FSTL5: variants seen among roughly 807,000 people sequenced by gnomAD.
FSTL5 encodes follistatin like 5, also known as follistatin-related protein 5.
A neutral mutation model predicts 89.1 loss-of-function variants in FSTL5; 62 were observed. The ratio of observed to expected loss-of-function variants is 0.70; its 90% CI spans 0.57 to 0.86. The LOEUF (loss-of-function observed/expected upper bound fraction) is 0.86, where lower values mean the gene tolerates loss of function less well. FSTL5 is among the 40% of genes least tolerant of loss of function. The pLI, the probability that FSTL5 is intolerant of heterozygous loss-of-function variation, is 0.00. For synonymous variants in FSTL5, 383 were observed against 346.2 expected (o/e 1.11, Z -1.18); for missense variants, 1,057 against 1,001.6 (o/e 1.06, Z -0.75).
At chr4:161,556,165 C>T (rs1454842163) in intron 8 of FSTL5, among the ~76,000 whole-genome samples, 7 of 151,502 alleles carry the variant, frequency 4.6e-5, no homozygotes, top group Non-Finnish European at 1.0e-4. Flanking sequence ...TTTTAACTCA[C>T]ATTTGCACCT....
chr4:161,982,223 G>A lies in FSTL5; in HGVS notation c.160+51402C>T, dbSNP rs116642714. ...TGTGTTATGACGGTCTGTGTTAGGAGGTCACCTTGTGAGAATGAGCTGCAC... is the reference window on the plus strand; with the variant it reads ...TGTGTTATGACGGTCTGTGTTAGGAAGTCACCTTGTGAGAATGAGCTGCAC... On this transcript the variant is annotated intron_variant, in intron 3 of 15. Coordinates refer to ENST00000306100, the MANE Select transcript of FSTL5 (RefSeq NM_020116.5). Among the ~76,000 whole-genome samples, 868 of 152,282 alleles carry A rather than the reference G, an allele frequency of 5.7e-3. 5 individuals are homozygous for A. Among genetic ancestry groups the A allele is most frequent in the Non-Finnish European group, 9.6e-3 (656 of 68,026 alleles).
chr4:161,798,365 A>T (rs1389009738), intron 4 of FSTL5, among the ~76,000 whole-genome samples: 1 of 151,704 alleles, frequency 6.6e-6, no homozygotes, highest in Admixed American at 6.6e-5. Flanking sequence ...AGAAAGAACA[A>T]ACACTTGACT....
chr4:161,839,504 AAGGG>A (rs1731146253), intron 4 of FSTL5, among the ~76,000 whole-genome samples: 1 of 152,196 alleles, frequency 6.6e-6, no homozygotes, highest in Non-Finnish European at 1.5e-5. Flanking sequence ...TCAACAATAA[AAGGG>A]AGTAAAACCT....
intron 6 of FSTL5, among the ~76,000 whole-genome samples, chr4:161,741,678 A>G (rs1012131735): frequency 1.5e-5 from 2 of 135,972 alleles, no homozygotes; most frequent in Non-Finnish European, 3.2e-5. Context: ...GTGGAGAAGT[A>G]TGATTTTTTT....
chr4:161,926,476 T>C (rs1270558401), intron 3 of FSTL5, among the ~76,000 whole-genome samples: 1 of 150,844 alleles, frequency 6.6e-6, no homozygotes, highest in Non-Finnish European at 1.5e-5. Flanking sequence ...GAGATCCAGG[T>C]AATTTGCACC....
chr4:161,616,388 C>T (rs1299179739), intron 7 of FSTL5, among the ~76,000 whole-genome samples: 8 of 152,126 alleles, frequency 5.3e-5, no homozygotes, highest in Non-Finnish European at 1.2e-4. Context: ...CTTAGTCTTC[C>T]AGCCTACATC....
intron 1 of FSTL5, among the ~76,000 whole-genome samples, chr4:162,114,530 ACACACACAC>A (rs1731562243): frequency 2.1e-3 from 1 of 478 alleles, no homozygotes; most frequent in Non-Finnish European, 4.2e-3. Flanking sequence ...TTGTGTGTGG[ACACACACAC>A]ACACACACAC....
intron 2 of FSTL5, among the ~76,000 whole-genome samples, chr4:162,038,767 C>T (rs1443469856): frequency 6.6e-6 from 1 of 151,856 alleles, no homozygotes; most frequent in African/African-American, 2.4e-5. Flanking sequence ...ACAATATCTT[C>T]AAACATAATT....
At chr4:161,907,712 T>C (rs573743070) in intron 4 of FSTL5, among the ~76,000 whole-genome samples, 5 of 152,184 alleles carry the variant, frequency 3.3e-5, no homozygotes, top group African/African-American at 9.6e-5. Flanking sequence ...CTTAGTAAGG[T>C]TGACGATGAG....
intron 10 of FSTL5, among the ~76,000 whole-genome samples, chr4:161,536,745 G>A (rs1327077743): frequency 6.6e-6 from 1 of 152,066 alleles, no homozygotes; most frequent in Admixed American, 6.6e-5. Flanking sequence ...GCTTTGGCTA[G>A]GTGTTTTACT....
At chr4:161,683,187 T>G (rs936148969) in intron 6 of FSTL5, among the ~76,000 whole-genome samples, 3 of 152,206 alleles carry the variant, frequency 2.0e-5, no homozygotes, top group Non-Finnish European at 4.4e-5. Flanking sequence ...TTTTCTATGA[T>G]GGTCAGCATA....
At chr4:161,475,665 C>T (rs1734110572) in intron 13 of FSTL5, among the ~76,000 whole-genome samples, 1 of 151,788 alleles carries the variant, frequency 6.6e-6, no homozygotes, top group East Asian at 1.9e-4. Context: ...ATCTTTAGTA[C>T]TTTGAGCATC....
At chr4:162,087,338 C>A (rs562628708) in intron 2 of FSTL5, among the ~76,000 whole-genome samples, 1 of 151,960 alleles carries the variant, frequency 6.6e-6, no homozygotes, top group Non-Finnish European at 1.5e-5. Context: ...TAATTTTCTG[C>A]ATCAAACTGT....
intron 6 of FSTL5, among the ~76,000 whole-genome samples, chr4:161,709,590 C>A (rs1313808356): frequency 2.0e-5 from 3 of 152,114 alleles, no homozygotes; most frequent in South Asian, 4.1e-4. Flanking sequence ...TGCTTAAATG[C>A]AGGAGTTCAA....
chr4:161,908,754 T>C (rs1733608333), intron 4 of FSTL5, among the ~76,000 whole-genome samples: 1 of 152,096 alleles, frequency 6.6e-6, no homozygotes, highest in Non-Finnish European at 1.5e-5. Context: ...CTCAAAGCAG[T>C]TTCATTTGCC....
intron 15 of FSTL5, among the ~76,000 whole-genome samples, chr4:161,396,468 T>C (rs1350926189): frequency 7.1e-6 from 1 of 140,010 alleles, no homozygotes; most frequent in Non-Finnish European, 1.5e-5. Flanking sequence ...ATGGTGAAAC[T>C]CCATCTCTAC....
rs148981051 is a variant in FSTL5, at chr4:161,817,000, T to C, written c.410-40926A>G. Among the ~76,000 whole-genome samples, 292 of 152,230 alleles carry C rather than the reference T, an allele frequency of 1.9e-3. 2 individuals carry two copies. The highest frequency in any genetic ancestry group is 6.8e-3 in the African/African-American group (284 of 41,550). ...ACATTTTGACTGACTTTTCATAGAG[T>C]TGAACAAAAAAATAATTTTAATTAT... On this transcript the variant is annotated intron_variant, in intron 4 of 15. Transcript: ENST00000306100.
chr4:161,500,987 T>TA (rs1730274371), intron 11 of FSTL5, among the ~76,000 whole-genome samples: 1 of 152,148 alleles, frequency 6.6e-6, no homozygotes, highest in South Asian at 2.1e-4. Context: ...TGAGCTCTTG[T>TA]AATCCTTCCT....
intron 7 of FSTL5, among the ~76,000 whole-genome samples, chr4:161,652,621 AT>A (rs1736379920): frequency 6.6e-6 from 1 of 152,132 alleles, no homozygotes; most frequent in East Asian, 1.9e-4. Context: ...TACACACGGG[AT>A]TTCTTCTGCA....
Sources: allele counts gnomAD v4.1 joint callset (sites outside exome capture counted in the v4.1 genomes callset), GRCh38; gene constraint gnomAD v4.1.1; transcripts MANE v1.5; gene names NCBI Gene and HGNC (gene_info 2026-07-23, HGNC 2026-07-21).